Variants in MUSK observed in about 807,000 individuals in gnomAD.
The protein encoded by MUSK is muscle, skeletal receptor tyrosine-protein kinase.
In MUSK, 55 loss-of-function variants were observed where a neutral mutation model predicts 88.7. The ratio of observed to expected loss-of-function variants is 0.62; its 90% CI spans 0.50 to 0.78. The LOEUF is 0.78. Among genes scored for constraint, MUSK ranks in the 30% least tolerant of loss-of-function variants. The pLI is 0.00. For missense variants in MUSK, 1,015 were observed against 1,074.3 expected (o/e 0.94, Z 0.77); for synonymous variants, 387 against 391.9 (o/e 0.99, Z 0.15).
chr9:110,689,122 T>C (rs1236359945), intron 3 of MUSK, among the ~76,000 whole-genome samples: 2 of 134,022 alleles, frequency 1.5e-5, no homozygotes, highest in African/African-American at 5.6e-5. Flanking sequence ...AATTTATTTA[T>C]ATAAACTACA....
chr9:110,752,878 T>C, intron 7 of MUSK, among the ~76,000 whole-genome samples: 1 of 152,206 alleles, frequency 6.6e-6, no homozygotes, highest in Non-Finnish European at 1.5e-5. Context: ...CATTTACTGT[T>C]AGTCATCAAA....
chr9:110,800,592 G>A lies in MUSK; in HGVS notation c.2214G>A (p.Val738=), dbSNP rs759461821. 5 of 1,613,634 alleles carry A rather than the reference G, an allele frequency of 3.1e-6. No individual in the cohort carries two copies. The highest frequency in any genetic ancestry group is 4.2e-6 in the Non-Finnish European group (5 of 1,179,838). ...ACTGCCTGGTGGGCGAGAACATGGT[G>A]GTGAAAATTGCCGACTTTGGCCTCT... ...TRNCLVGENM[V]VKIADFGLSR... is the part of the protein sequence containing the mutation. Residue 738 remains valine (V), a synonymous_variant, in exon 15 of 15, where the codon GTG becomes GTA. Coordinates refer to ENST00000374448, the MANE Select transcript of MUSK (RefSeq NM_005592.4).
At chr9:110,789,231 GAGA>G (rs1332870486) in intron 14 of MUSK, among the ~76,000 whole-genome samples, 1 of 152,262 alleles carries the variant, frequency 6.6e-6, no homozygotes, top group African/African-American at 2.4e-5. Flanking sequence ...GATGCAGCAA[GAGA>G]AGATGATGGC....
chr9:110,670,329 C>T (rs938937632), intron 1 of MUSK, among the ~76,000 whole-genome samples: 6 of 152,158 alleles, frequency 3.9e-5, no homozygotes, highest in African/African-American at 1.4e-4. Flanking sequence ...TAAGGCCCCA[C>T]CTGGATGTTT....
At chr9:110,762,107 C>A (rs2077410784) in intron 7 of MUSK, 95 bp from the exon 8 acceptor site, 1 of 1,152,120 alleles carries the variant, frequency 8.7e-7, no homozygotes, top group Non-Finnish European at 1.1e-6. Flanking sequence ...AGTATCAAAA[C>A]AATCTCAGCC....
intron 6 of MUSK, among the ~76,000 whole-genome samples, chr9:110,740,251 T>C (rs547121337): frequency 5.1e-4 from 77 of 152,282 alleles, no homozygotes; most frequent in African/African-American, 1.8e-3. Context: ...AGATAGGGTG[T>C]CTTAAAAAAC....
intron 5 of MUSK, among the ~76,000 whole-genome samples, chr9:110,721,118 C>T (rs1385963496): frequency 6.6e-6 from 1 of 152,056 alleles, no homozygotes; most frequent in African/African-American, 2.4e-5. Context: ...CTATGACAAA[C>T]CCACAGCCAA....
intron 5 of MUSK, among the ~76,000 whole-genome samples, chr9:110,730,398 CTTCT>C (rs1038288457): frequency 2.0e-5 from 3 of 151,962 alleles, no homozygotes; most frequent in African/African-American, 7.2e-5. Flanking sequence ...TTTAATGTTC[CTTCT>C]ATTAAGTGGT....
At chr9:110,757,359 T>C (rs1432004281) in intron 7 of MUSK, among the ~76,000 whole-genome samples, 1 of 150,904 alleles carries the variant, frequency 6.6e-6, no homozygotes, top group Non-Finnish European at 1.5e-5. Context: ...CTCAGGAGGC[T>C]GAAGCAGGAT....
At chr9:110,771,395 AT>A (rs2077573462) in intron 9 of MUSK, among the ~76,000 whole-genome samples, 1 of 151,846 alleles carries the variant, frequency 6.6e-6, no homozygotes, top group Non-Finnish European at 1.5e-5. Flanking sequence ...CAGCCCTCTT[AT>A]GCTCATTTCT....
At chr9:110,674,587 AGATGAT>A (rs144338094) in intron 1 of MUSK, among the ~76,000 whole-genome samples, 40 of 151,862 alleles carry the variant, frequency 2.6e-4, no homozygotes, top group African/African-American at 8.9e-4. Context: ...AGATTCCCAG[AGATGAT>A]GATGATGATG....
At chr9:110,737,369 A>G (rs964515473) in intron 6 of MUSK, among the ~76,000 whole-genome samples, 1 of 151,912 alleles carries the variant, frequency 6.6e-6, no homozygotes, top group Non-Finnish European at 1.5e-5. Flanking sequence ...ACACTTCATC[A>G]TCAATTACAT....
chr9:110,774,862 T>TAC (rs1253001997), intron 9 of MUSK, among the ~76,000 whole-genome samples: 18 of 87,488 alleles, frequency 2.1e-4, no homozygotes, highest in African/African-American at 5.6e-4. Flanking sequence ...TTGTGGCATA[T>TAC]ATATACACAC....
chr9:110,747,878 A>T, intron 7 of MUSK, 78 bp downstream of exon 7: 2 of 1,524,114 alleles, frequency 1.3e-6, no homozygotes, highest in Non-Finnish European at 1.8e-6. Context: ...AGCATTGGAG[A>T]AAATCTCCCT....
At chr9:110,777,549 A>G (rs1032527084) in intron 11 of MUSK, among the ~76,000 whole-genome samples, 2 of 152,226 alleles carry the variant, frequency 1.3e-5, no homozygotes, top group Non-Finnish European at 2.9e-5. Context: ...TCAAATTGTT[A>G]TTCCCAAATC....
chr9:110,766,371 T>A (rs2077485781), intron 8 of MUSK, among the ~76,000 whole-genome samples: 1 of 152,192 alleles, frequency 6.6e-6, no homozygotes, highest in Non-Finnish European at 1.5e-5. Flanking sequence ...CACCTTTACC[T>A]TGAGAAAGTT....
chr9:110,767,759 A>G (rs2077506429), intron 8 of MUSK, 61 bp from the exon 9 acceptor site: 2 of 1,602,990 alleles, frequency 1.2e-6, no homozygotes, highest in Non-Finnish European at 1.7e-6. Flanking sequence ...AAAAAAAGAA[A>G]AGCAGAATGA....
chr9:110,759,269 G>C (rs1432413073), intron 7 of MUSK, among the ~76,000 whole-genome samples: 1 of 152,194 alleles, frequency 6.6e-6, no homozygotes, highest in Non-Finnish European at 1.5e-5. Context: ...GTGATAGCAG[G>C]CTAGCCATAT....
intron 5 of MUSK, among the ~76,000 whole-genome samples, chr9:110,698,530 A>G (rs529977176): frequency 4.6e-5 from 7 of 152,184 alleles, no homozygotes; most frequent in African/African-American, 1.7e-4. Context: ...CTTCTCATTC[A>G]TATAGTTTTC....
Sources: gnomAD v4.1 joint callset for allele counts (sites outside exome capture counted in the v4.1 genomes callset) on GRCh38, gnomAD v4.1.1 for gene constraint, MANE v1.5 for transcripts, NCBI Gene and HGNC (gene_info 2026-07-23, HGNC 2026-07-21) for gene names.